The following NFRKB variants were observed in gnomAD, a reference collection of about 807,000 sequenced individuals.
NFRKB encodes the protein nuclear factor related to kappaB binding protein.
NFRKB carries 62 observed loss-of-function variants against 135.7 expected under a neutral mutation model. That is an observed-to-expected ratio of 0.46 (90% CI 0.37 to 0.56). The LOEUF (loss-of-function observed/expected upper bound fraction) is 0.56, where lower values mean the gene tolerates loss of function less well. Ranked by LOEUF, NFRKB falls within the 20% of genes least tolerant of loss-of-function variation. The pLI is 0.00. For synonymous variants in NFRKB, 678 were observed against 635.6 expected, an observed-to-expected ratio of 1.07 and a Z score of -1.00; for missense variants, 1,545 against 1,662.0, an observed-to-expected ratio of 0.93 and a Z score of 1.22.
At chr11:129,879,536 C>T (rs899463743) in intron 13 of NFRKB, among the ~76,000 whole-genome samples, 3 of 152,168 alleles carry the variant, frequency 2.0e-5, no homozygotes, top group African/African-American at 7.2e-5. Context: ...AATCTTTAGT[C>T]TTTATCTTAC....
intron 24 of NFRKB, among the ~76,000 whole-genome samples, chr11:129,868,032 G>T (rs1370673712): frequency 6.6e-6 from 1 of 151,770 alleles, no homozygotes; most frequent in African/African-American, 2.4e-5. Flanking sequence ...AAAACTCAAG[G>T]TATTTTATGA....
In NFRKB at chr11:129,895,544, G is replaced by C. The variant is rs967025921; in HGVS notation, c.-150C>G. On this transcript the variant is annotated 5_prime_UTR_variant, in exon 1 of 27. Transcript: ENST00000682444. ...TAACCCGCAGCCCTTCTCCGGCCGC[G>C]GGCTCCCAGACGCACTCGCTCCCGC... The C allele has an allele frequency of 6.6e-6, 1 of 152,286 alleles. No individual in the cohort carries two copies. Among genetic ancestry groups the C allele is most frequent in the Non-Finnish European group, 1.5e-5 (1 of 68,148 alleles). 9.4% of individuals were successfully genotyped at this position (152,286 alleles called of 1,614,324 possible). A position where few individuals can be genotyped will look rare whatever the true frequency, so the allele number is the denominator to read the frequency against.
chr11:129,870,413 T>C, intron 23 of NFRKB, 152 bp from the exon 24 acceptor site: 10 of 864,762 alleles, frequency 1.2e-5, no homozygotes, highest in South Asian at 8.9e-5. Flanking sequence ...GAGAACAGTA[T>C]AACAAACCCT....
chr11:129,883,013 T>C, intron 9 of NFRKB, 109 bp downstream of exon 9: 1 of 946,946 alleles, frequency 1.1e-6, no homozygotes, highest in Non-Finnish European at 1.6e-6. Flanking sequence ...ATAATAAAGG[T>C]TACCAGCATG....
At chr11:129,877,283 G>A (rs1948811778) in intron 16 of NFRKB, 42 bp downstream of exon 16, 18 of 1,575,470 alleles carry the variant, frequency 1.1e-5, no homozygotes, top group Non-Finnish European at 1.6e-5. Flanking sequence ...TCTCTGCATG[G>A]CTCACAGAGG....
In NFRKB at chr11:129,869,542, G is replaced by A. The variant is rs554917103; in HGVS notation, c.3483C>T (p.Thr1161=). 101 of 1,613,662 alleles carry A rather than the reference G, an allele frequency of 6.3e-5. No individual in the cohort carries two copies. Among genetic ancestry groups the A allele is most frequent in the African/African-American group, 8.0e-5 (6 of 74,920 alleles). The change falls in exon 24 of 27, where the codon ACC becomes ACT. Residue 1161 remains threonine (T), a synonymous_variant. Transcript: ENST00000682444. ...TPISISTGAP[T]VRQVPVSTTV... is the part of the protein sequence containing the mutation. ...TGGTGCTGACAGGGACCTGCCGCACGGTGGGGGCTCCTGTGCTGATGCTGA... is the reference window on the plus strand; with the variant it reads ...TGGTGCTGACAGGGACCTGCCGCACAGTGGGGGCTCCTGTGCTGATGCTGA...
intron 5 of NFRKB, 58 bp from the exon 6 acceptor site, chr11:129,885,667 G>A: frequency 6.7e-7 from 1 of 1,503,000 alleles, no homozygotes. Context: ...CTGGAACAAT[G>A]AACACTCTAC....
Position 129,874,985 on chromosome 11 carries a change from GA to G in NFRKB, c.1855-70del, listed in dbSNP as rs1322772840. 2.5e-6 allele frequency: 4 copies of G among 1,579,556 alleles called. No homozygotes were observed. The highest frequency in any genetic ancestry group is 2.6e-6 in the Non-Finnish European group (3 of 1,156,958). On this transcript the variant is annotated intron_variant, in intron 18 of 26. Transcript: ENST00000682444. The surrounding 1 kb of genome is among the most constrained non-coding windows in gnomAD (Gnocchi z 4.5). ...ATAACAGAAGTTATTTGAACTCTAG[GA>G]AAAAAATGTCATTGTATCTAAATCA... is the stretch of plus-strand genomic sequence containing the variant.
chr11:129,871,656 C>T (rs560063594), intron 23 of NFRKB, among the ~76,000 whole-genome samples: 1 of 152,226 alleles, frequency 6.6e-6, no homozygotes, highest in Admixed American at 6.5e-5. Flanking sequence ...CCCCACTACT[C>T]CCTCCACCTC....
intron 7 of NFRKB, 86 bp downstream of exon 7, chr11:129,884,659 C>A: frequency 6.9e-7 from 1 of 1,454,316 alleles, no homozygotes; most frequent in Non-Finnish European, 9.5e-7. Context: ...AGGTAGGAAT[C>A]TGCCCCCACC....
intron 16 of NFRKB, 134 bp from the exon 17 acceptor site, chr11:129,877,029 G>T (rs545511833): frequency 9.3e-6 from 9 of 967,216 alleles, no homozygotes; most frequent in South Asian, 8.5e-5. Flanking sequence ...ATTCTAGTAG[G>T]AATGTTCAGC....
At position 129,882,600 on chromosome 11, in the gene NFRKB, C is replaced by CT. The variant is rs149369172; in HGVS notation, c.932dup (p.Val312GlyfsTer2). 5.6e-6 allele frequency: 9 copies of CT among 1,610,466 alleles called. No homozygotes were observed. Among genetic ancestry groups the CT allele is most frequent in the Non-Finnish European group, 2.5e-6 (3 of 1,177,908 alleles). ...TCTTCTTTTCCTCTTTTTCCTTAAC[C>CT]TTTTTTTTAAGGACAGCCAAGTCAT... is the stretch of plus-strand genomic sequence containing the variant. On this transcript the variant is annotated frameshift_variant, in exon 10 of 27. Coordinates refer to ENST00000682444, the MANE Select transcript of NFRKB (RefSeq NM_001143835.2). LOFTEE classifies it high-confidence loss of function.
At chr11:129,886,894 C>T (rs1306713983) in intron 4 of NFRKB, among the ~76,000 whole-genome samples, 1 of 152,204 alleles carries the variant, frequency 6.6e-6, no homozygotes, top group Non-Finnish European at 1.5e-5. Context: ...AGACAGTGCA[C>T]CCTCAGCTGT....
chr11:129,891,478 T>C (rs1020953163), intron 3 of NFRKB, among the ~76,000 whole-genome samples: 20 of 152,158 alleles, frequency 1.3e-4, no homozygotes, highest in African/African-American at 2.9e-4. Context: ...TACTCAGTTG[T>C]TGGGATGAGG....
intron 24 of NFRKB, among the ~76,000 whole-genome samples, chr11:129,868,766 C>A (rs182623359): frequency 5.2e-4 from 79 of 152,304 alleles, no homozygotes; most frequent in African/African-American, 1.7e-3. Context: ...CGGTGACTCA[C>A]GCCTGTAATC....
intron 6 of NFRKB, 63 bp from the exon 7 acceptor site, chr11:129,884,909 G>C (rs1399804334): frequency 1.2e-6 from 2 of 1,611,790 alleles, no homozygotes; most frequent in African/African-American, 2.7e-5. Flanking sequence ...GGGAGATTGG[G>C]TAAGTGGCCA....
At chr11:129,876,597 CTA>C in intron 17 of NFRKB, 122 bp downstream of exon 17, 1 of 1,043,810 alleles carries the variant, frequency 9.6e-7, no homozygotes, top group Non-Finnish European at 1.4e-6. Flanking sequence ...CTTTGAAAAA[CTA>C]TGCCTTGTTC....
chr11:129,870,304 A>G, intron 23 of NFRKB, 43 bp from the exon 24 acceptor site: 2 of 1,567,756 alleles, frequency 1.3e-6, no homozygotes, highest in Non-Finnish European at 1.7e-6. Flanking sequence ...TCACAATAGT[A>G]AACCGGTTAC....
chr11:129,865,610 G>A (rs956703761), intron 25 of NFRKB, among the ~76,000 whole-genome samples: 4 of 152,230 alleles, frequency 2.6e-5, no homozygotes, highest in African/African-American at 7.2e-5. Flanking sequence ...TCTCCAGTAT[G>A]TATCACCACG....
Sources: allele counts gnomAD v4.1 joint callset (sites outside exome capture counted in the v4.1 genomes callset), GRCh38; gene constraint gnomAD v4.1.1; non-coding constraint Gnocchi (gnomAD v3.1); transcripts MANE v1.5; gene names NCBI Gene and HGNC (gene_info 2026-07-23, HGNC 2026-07-21).